Variants in IZUMO4 observed in about 807,000 individuals in gnomAD.
IZUMO4 encodes IZUMO family member 4.
In IZUMO4, 51 loss-of-function variants were observed where a neutral mutation model predicts 37.1. The ratio of observed to expected loss-of-function variants is 1.38; its 90% CI spans 1.10 to 1.74. IZUMO4 has a LOEUF of 1.74. Among genes scored for constraint, IZUMO4 ranks in the 40% most tolerant of loss-of-function variants. The pLI is 0.00. For synonymous variants in IZUMO4, 162 were observed against 121.4 expected, an observed-to-expected ratio of 1.33 and a Z score of -2.20; for missense variants, 364 against 299.6, an observed-to-expected ratio of 1.21 and a Z score of -1.59.
Position 2,097,129 on chromosome 19 carries a change from A to G in IZUMO4, c.184A>G (p.Lys62Glu), listed in dbSNP as rs2017721765. 9 of 1,612,260 alleles carry G rather than the reference A, an allele frequency of 5.6e-6. No individual in the cohort carries two copies. Among genetic ancestry groups the G allele is most frequent in the Middle Eastern group, 3.3e-4 (2 of 6,062 alleles). The change falls in exon 1 of 10, where the codon AAG becomes GAG. Residue 62 changes from lysine to glutamate, a missense_variant. Transcript: ENST00000395301. ...CACCGACTGGAGCGACGACACGATG[A>G]AGGAGCTGCACCTGGCCATCCCCGC... ...LLTDWSDDTM[K>E]ELHLAIPAKI...
In IZUMO4 at chr19:2,097,349, C is replaced by T. The variant is rs1249535166; in HGVS notation, c.298+17C>T. ...ACTTCCCCGGTAAGGGGCGCGAAAC[C>T]GAGGCGGGGCCCCCCCACCCCGGGA... On this transcript the variant is annotated intron_variant, in intron 2 of 9. Coordinates refer to ENST00000395301, the MANE Select transcript of IZUMO4 (RefSeq NM_001039846.2). The T allele has an allele frequency of 6.2e-7, 1 of 1,612,110 alleles. No homozygotes were observed. The highest frequency in any genetic ancestry group is 8.5e-7 in the Non-Finnish European group (1 of 1,179,532).
At chr19:2,098,840 G>T in intron 8 of IZUMO4, 36 bp downstream of exon 8, 1 of 1,588,146 alleles carries the variant, frequency 6.3e-7, no homozygotes, top group African/African-American at 1.4e-5. Context: ...AGGGGGAGGG[G>T]GTAAAGGGAG....
chr19:2,097,637 C>T, intron 3 of IZUMO4, 142 bp downstream of exon 3: 2 of 814,994 alleles, frequency 2.5e-6, no homozygotes, highest in Non-Finnish European at 4.2e-6. Context: ...GGGAGGGACC[C>T]AGCCTAGCAC....
Position 2,099,164 on chromosome 19 carries a change from G to A in IZUMO4, c.609-91G>A, listed in dbSNP as rs77532050. Reference sequence around the variant, plus strand: ...GATGTGGCCACACATAGGACCACACGTCCCAGCTGGGAGGAGAGGCCTGGG... The same window carrying A: ...GATGTGGCCACACATAGGACCACACATCCCAGCTGGGAGGAGAGGCCTGGG... On this transcript the variant is annotated intron_variant, in intron 9 of 9. Transcript: ENST00000395301. 3.6e-3 allele frequency: 4,982 copies of A among 1,393,146 alleles called. 157 individuals are homozygous for A. In the Admixed American group the frequency reaches 0.07, roughly 20 times the overall value. 86.3% of individuals were successfully genotyped at this position (1,393,146 alleles called of 1,614,324 possible). A position where few individuals can be genotyped will look rare whatever the true frequency, so the allele number is the denominator to read the frequency against.
intron 9 of IZUMO4, 21 bp from the exon 10 acceptor site, chr19:2,099,234 G>A (rs878915280): frequency 1.2e-6 from 2 of 1,605,900 alleles, no homozygotes; most frequent in East Asian, 4.5e-5. Flanking sequence ...GGAGAGCTGA[G>A]GCAGCCTCGT....
At chr19:2,098,182 C>G in intron 5 of IZUMO4, 55 bp downstream of exon 5, 1 of 1,611,618 alleles carries the variant, frequency 6.2e-7, no homozygotes, top group Non-Finnish European at 8.5e-7. Flanking sequence ...CCCTGGGGTC[C>G]CAGGCTCTCC....
chr19:2,099,224 G>A (rs2017838448), intron 9 of IZUMO4, 31 bp from the exon 10 acceptor site: 3 of 1,591,160 alleles, frequency 1.9e-6, no homozygotes, highest in African/African-American at 1.3e-5. Context: ...TGGGGGACAT[G>A]GAGAGCTGAG....
chr19:2,098,664 T>C, intron 7 of IZUMO4, 123 bp from the exon 8 acceptor site: 2 of 1,560,804 alleles, frequency 1.3e-6, no homozygotes, highest in Non-Finnish European at 1.7e-6. Context: ...GCATCTTTCC[T>C]AAAGGGTCCC....
Position 2,099,423 on chromosome 19 carries a change from G to C in IZUMO4, c.*78G>C. ...GCCCCTGCCTGTCACTCTGGAGCTGGGCTGCTGCTGCCTCAGGACCCCCTC... is the reference window on the plus strand; with the variant it reads ...GCCCCTGCCTGTCACTCTGGAGCTGCGCTGCTGCTGCCTCAGGACCCCCTC... On this transcript the variant is annotated 3_prime_UTR_variant, in exon 10 of 10. Transcript: ENST00000395301. The C allele has an allele frequency of 9.2e-7, 1 of 1,086,548 alleles. No homozygotes were observed. The highest frequency in any genetic ancestry group is 1.4e-6 in the Non-Finnish European group (1 of 728,252). 67.3% of individuals were successfully genotyped at this position (1,086,548 alleles called of 1,614,324 possible). A position where few individuals can be genotyped will look rare whatever the true frequency, so the allele number is the denominator to read the frequency against.
chr19:2,099,166 C>T, intron 9 of IZUMO4, 89 bp from the exon 10 acceptor site: 3 of 1,400,192 alleles, frequency 2.1e-6, no homozygotes, highest in Non-Finnish European at 3.0e-6. Flanking sequence ...GACCACACGT[C>T]CCAGCTGGGA....
chr19:2,099,402 C>T lies in IZUMO4; in HGVS notation c.*57C>T. 6 of 1,234,378 alleles carry T rather than the reference C, an allele frequency of 4.9e-6. No individual in the cohort carries two copies. Among genetic ancestry groups the T allele is most frequent in the East Asian group, 2.6e-5 (1 of 38,082 alleles). 76.5% of individuals were successfully genotyped at this position (1,234,378 alleles called of 1,614,324 possible). On this transcript the variant is annotated 3_prime_UTR_variant, in exon 10 of 10. Coordinates refer to ENST00000395301, the MANE Select transcript of IZUMO4 (RefSeq NM_001039846.2). Reference sequence around the variant, plus strand: ...GGGCGGAGACTCAGCTGGACAGCCCCTGCCTGTCACTCTGGAGCTGGGCTG... The same window carrying T: ...GGGCGGAGACTCAGCTGGACAGCCCTTGCCTGTCACTCTGGAGCTGGGCTG...
At position 2,097,947 on chromosome 19, in the gene IZUMO4, A is replaced by G. The variant is rs1378698984; in HGVS notation, c.389A>G (p.His130Arg). ...AIIESRIDCQ[H>R]RCGIFQYETI... ...CCCACAGGCCGCATCGACTGTCAGCACCGCTGTGGTAAGCAAGGCTCCGTC... is the reference window on the plus strand; with the variant it reads ...CCCACAGGCCGCATCGACTGTCAGCGCCGCTGTGGTAAGCAAGGCTCCGTC... Residue 130 changes from histidine to arginine, a missense_variant, in exon 4 of 10, where the codon CAC (histidine) becomes CGC (arginine). His to Arg is a conservative substitution (Grantham distance 29). Transcript: ENST00000395301. 6.2e-7 allele frequency: 1 copy of G among 1,613,138 alleles called. No individual in the cohort carries two copies. The highest frequency in any genetic ancestry group is 1.1e-5 in the South Asian group (1 of 91,076).
At chr19:2,097,522 G>A (rs1456208613) in intron 3 of IZUMO4, 27 bp downstream of exon 3, 5 of 1,599,148 alleles carry the variant, frequency 3.1e-6, no homozygotes, top group Non-Finnish European at 4.3e-6. Context: ...TCAGAGGAGG[G>A]AGGTGTTGCC....
At chr19:2,097,656 T>C in intron 3 of IZUMO4, 161 bp downstream of exon 3, 1 of 752,594 alleles carries the variant, frequency 1.3e-6, no homozygotes. Context: ...ACCTGAAGGA[T>C]CAATGCCATC....
rs200989915 is a variant in IZUMO4 at position 2,099,490 on chromosome 19, CGGGAGGGA to C, written c.*150_*157del. 2.8e-6 allele frequency: 1 copy of C among 355,916 alleles called. No homozygotes were observed. 22.0% of individuals were successfully genotyped at this position (355,916 alleles called of 1,614,324 possible). On this transcript the variant is annotated 3_prime_UTR_variant, in exon 10 of 10. Coordinates refer to ENST00000395301, the MANE Select transcript of IZUMO4 (RefSeq NM_001039846.2). The stretch of plus-strand genomic sequence containing the variant: ...GCTGAGCTGGCCAGGGCCAGGAGGG[CGGGAGGGA>C]GGGAATGGGGGTGGGCTGTGCGCAG...
Position 2,098,036 on chromosome 19 carries a change from C to A in IZUMO4, c.398-16C>A. The A allele has an allele frequency of 6.2e-7, 1 of 1,613,290 alleles. No individual in the cohort carries two copies. Among genetic ancestry groups the A allele is most frequent in the African/African-American group, 1.3e-5 (1 of 75,056 alleles). On this transcript the variant is annotated splice_polypyrimidine_tract_variant and intron_variant, in intron 4 of 9. Coordinates refer to ENST00000395301, the MANE Select transcript of IZUMO4 (RefSeq NM_001039846.2). ...GAGGCTGAGGGGAGCCCTGGCGGCTCTTGTACGTGTTTCAGGCATCTTCCA... is the reference window on the plus strand; with the variant it reads ...GAGGCTGAGGGGAGCCCTGGCGGCTATTGTACGTGTTTCAGGCATCTTCCA...
chr19:2,099,355 G>A lies in IZUMO4; in HGVS notation c.*10G>A. 1.9e-6 allele frequency: 3 copies of A among 1,605,458 alleles called. No homozygotes were observed. The highest frequency in any genetic ancestry group is 2.6e-6 in the Non-Finnish European group (3 of 1,174,842). ...TCTCAAGCAGCACTGACAGCAGCTG[G>A]GCCTGCCCCAGGGCAACGTGGGGGC... On this transcript the variant is annotated 3_prime_UTR_variant, in exon 10 of 10. Transcript: ENST00000395301.
At chr19:2,098,628 G>C (rs2017795786) in intron 7 of IZUMO4, 159 bp from the exon 8 acceptor site, 1 of 1,563,534 alleles carries the variant, frequency 6.4e-7, no homozygotes, top group Non-Finnish European at 8.7e-7. Context: ...CTCCCTCAAA[G>C]GTCTCCGACC....
Position 2,099,013 on chromosome 19 carries a change from A to G in IZUMO4, c.592A>G (p.Arg198Gly), listed in dbSNP as rs201488524. The G allele has an allele frequency of 2.6e-3, 4,161 of 1,613,122 alleles. 8 individuals are homozygous for G. The highest frequency in any genetic ancestry group is 3.1e-3 in the Non-Finnish European group (3,644 of 1,179,960). The change falls in exon 9 of 10, where the codon AGA (arginine) becomes GGA (glycine). Residue 198 changes from arginine to glycine, a missense_variant. Physicochemically the swap from Arg to Gly is moderately radical, Grantham distance 125 (BLOSUM62 -2). Transcript: ENST00000395301. The part of the protein sequence containing the change: ...SSAFSWPGTH[R>G]ATPAFLVSPA... The stretch of plus-strand genomic sequence containing the variant: ...TGCCTTCTCCTGGCCTGGGACACAC[A>G]GAGCCACCCCGGCCTTGTGAGTGAC...
Sources: gnomAD v4.1 joint callset for allele counts on GRCh38, gnomAD v4.1.1 for gene constraint, MANE v1.5 for transcripts, NCBI Gene and HGNC (gene_info 2026-07-23, HGNC 2026-07-21) for gene names.